SLC35F3: variants seen among roughly 807,000 people sequenced by gnomAD.
SLC35F3 encodes solute carrier family 35 member F3.
In SLC35F3, 25 loss-of-function variants were observed where a neutral mutation model predicts 49.9. The ratio of observed to expected loss-of-function variants is 0.50; its 90% CI spans 0.37 to 0.70. SLC35F3 has a LOEUF of 0.70. Ranked by LOEUF, SLC35F3 falls within the 30% of genes least tolerant of loss-of-function variation. The pLI, the probability that SLC35F3 is intolerant of heterozygous loss-of-function variation, is 0.00. For missense variants in SLC35F3, 525 were observed against 639.8 expected, an observed-to-expected ratio of 0.82 and a Z score of 1.94; for synonymous variants, 275 against 265.4, an observed-to-expected ratio of 1.04 and a Z score of -0.35.
chr1:233,983,572 T>G (rs1663219227), intron 2 of SLC35F3, among the ~76,000 whole-genome samples: 1 of 152,238 alleles, frequency 6.6e-6, no homozygotes, highest in African/African-American at 2.4e-5. Context: ...ATAGAATTAC[T>G]CCAAGTGTTT....
At chr1:234,268,219 G>A (rs1434659761) in intron 3 of SLC35F3, among the ~76,000 whole-genome samples, 2 of 152,186 alleles carry the variant, frequency 1.3e-5, no homozygotes, top group Non-Finnish European at 2.9e-5. Context: ...TCGGGAGGCC[G>A]AGGCTGGCGG....
chr1:233,940,507 A>ACTTTGCCACAAT (rs1320741852), intron 2 of SLC35F3, among the ~76,000 whole-genome samples: 2 of 152,186 alleles, frequency 1.3e-5, no homozygotes, highest in African/African-American at 2.4e-5. Flanking sequence ...AAGTATGTGC[A>ACTTTGCCACAAT]CTTTGCCACA....
At chr1:234,113,207 A>T (rs1209698360) in intron 2 of SLC35F3, among the ~76,000 whole-genome samples, 1 of 152,316 alleles carries the variant, frequency 6.6e-6, no homozygotes, top group East Asian at 1.9e-4. Flanking sequence ...CCAACCACAG[A>T]CTAAATTGCC....
chr1:234,133,423 C>T (rs12129782), intron 2 of SLC35F3, among the ~76,000 whole-genome samples: 59,043 of 151,902 alleles, frequency 0.39, 13,413 homozygotes, highest in Middle Eastern at 0.52. Flanking sequence ...AAGACCAAGC[C>T]GTAACTGAAG....
chr1:234,128,661 A>G (rs1271819584), intron 2 of SLC35F3, among the ~76,000 whole-genome samples: 2 of 152,236 alleles, frequency 1.3e-5, no homozygotes, highest in African/African-American at 4.8e-5. Flanking sequence ...GGCCAAGGAA[A>G]GAGCTTAAGA....
chr1:234,143,345 G>A (rs577750611), intron 2 of SLC35F3, among the ~76,000 whole-genome samples: 1 of 148,488 alleles, frequency 6.7e-6, no homozygotes, highest in East Asian at 2.0e-4. Context: ...CTGGAGTGCA[G>A]TGGCGTGATT....
intron 2 of SLC35F3, among the ~76,000 whole-genome samples, chr1:234,118,882 TTTC>T (rs1665532033): frequency 6.9e-6 from 1 of 144,254 alleles, no homozygotes; most frequent in Non-Finnish European, 1.5e-5. Context: ...CTTTTTTTCT[TTTC>T]TTTTTTTTTT....
chr1:234,108,575 A>ATATATAAAAGATATATATTATT (rs1665334139), intron 2 of SLC35F3, among the ~76,000 whole-genome samples: 1 of 73,354 alleles, frequency 1.4e-5, no homozygotes, highest in Non-Finnish European at 2.6e-5. Context: ...TATATTATTT[A>ATATATAAAAGATATATATTATT]TATATATAAA....
chr1:234,313,411 G>T (rs2102995919), intron 4 of SLC35F3, among the ~76,000 whole-genome samples: 1 of 152,288 alleles, frequency 6.6e-6, no homozygotes, highest in Admixed American at 6.5e-5. Flanking sequence ...AGCCGGGCAG[G>T]TTATGACAGT....
At chr1:234,251,810 C>T (rs1356312330) in intron 3 of SLC35F3, among the ~76,000 whole-genome samples, 1 of 151,950 alleles carries the variant, frequency 6.6e-6, no homozygotes, top group African/African-American at 2.4e-5. Flanking sequence ...ACAGAAAGAA[C>T]TTTAGTACAT....
intron 3 of SLC35F3, among the ~76,000 whole-genome samples, chr1:234,270,547 A>G (rs1424417278): frequency 6.6e-6 from 1 of 152,220 alleles, no homozygotes; most frequent in Non-Finnish European, 1.5e-5. Flanking sequence ...CAGCTTTTAG[A>G]CCACAATGCT....
intron 2 of SLC35F3, among the ~76,000 whole-genome samples, chr1:233,947,250 G>C (rs1662527060): frequency 6.6e-6 from 1 of 152,094 alleles, no homozygotes. Context: ...TCTGATTTCT[G>C]ATATATAATC....
chr1:233,949,362 G>T (rs1284716577), intron 2 of SLC35F3, among the ~76,000 whole-genome samples: 2 of 152,162 alleles, frequency 1.3e-5, no homozygotes, highest in Non-Finnish European at 2.9e-5. Flanking sequence ...GATAGATAAG[G>T]CAAGTACTTT....
intron 2 of SLC35F3, among the ~76,000 whole-genome samples, chr1:234,012,665 G>A (rs1206544922): frequency 6.6e-6 from 1 of 152,222 alleles, no homozygotes; most frequent in East Asian, 1.9e-4. Context: ...GTTTTTGTGA[G>A]CTCAAAGTTG....
chr1:234,169,161 CT>C (rs1167179143), intron 2 of SLC35F3, among the ~76,000 whole-genome samples: 1 of 152,096 alleles, frequency 6.6e-6, no homozygotes, highest in Non-Finnish European at 1.5e-5. Context: ...TTCCTCTGCC[CT>C]TTTCTTCTAT....
At chr1:233,950,863 C>A (rs893883651) in intron 2 of SLC35F3, among the ~76,000 whole-genome samples, 1 of 151,994 alleles carries the variant, frequency 6.6e-6, no homozygotes, top group African/African-American at 2.4e-5. Context: ...TTTCCCCCTG[C>A]AATATCCCTG....
intron 3 of SLC35F3, among the ~76,000 whole-genome samples, chr1:234,267,700 G>C (rs1267999151): frequency 6.8e-4 from 103 of 151,028 alleles, no homozygotes; most frequent in African/African-American, 2.4e-3. Context: ...CTTCCCAGAC[G>C]GGGTGGCTGC....
chr1:234,045,779 T>C (rs1020361298), intron 2 of SLC35F3, among the ~76,000 whole-genome samples: 1 of 152,122 alleles, frequency 6.6e-6, no homozygotes, highest in Non-Finnish European at 1.5e-5. Flanking sequence ...CAGGGGGAAT[T>C]ACTATTGTAA....
At chr1:234,048,338 G>A (rs997330220) in intron 2 of SLC35F3, among the ~76,000 whole-genome samples, 1 of 152,160 alleles carries the variant, frequency 6.6e-6, no homozygotes, top group Non-Finnish European at 1.5e-5. Flanking sequence ...TTGGACAATC[G>A]CTCCATAAAG....
Sources: gnomAD v4.1 joint callset for allele counts (sites outside exome capture counted in the v4.1 genomes callset) on GRCh38, gnomAD v4.1.1 for gene constraint, MANE v1.5 for transcripts, NCBI Gene and HGNC (gene_info 2026-07-23, HGNC 2026-07-21) for gene names.